The following FNBP1L variants were observed in gnomAD, a reference collection of about 807,000 sequenced individuals.
The protein encoded by FNBP1L is formin binding protein 1 like.
FNBP1L carries 36 observed loss-of-function variants against 91.2 expected under a neutral mutation model. That is an observed-to-expected ratio of 0.39 (90% CI 0.30 to 0.52). The LOEUF is 0.52. Ranked by LOEUF, FNBP1L falls within the 20% of genes least tolerant of loss-of-function variation. The pLI, the probability that FNBP1L is intolerant of heterozygous loss-of-function variation, is 0.66. For missense variants in FNBP1L, 571 were observed against 732.1 expected (o/e 0.78, Z 2.54); for synonymous variants, 242 against 237.0 (o/e 1.02, Z -0.19).
At chr1:93,466,632 G>A (rs1335027505) in intron 1 of FNBP1L, among the ~76,000 whole-genome samples, 2 of 152,170 alleles carry the variant, frequency 1.3e-5, no homozygotes, top group Non-Finnish European at 2.9e-5. Context: ...AGGTCAGGTA[G>A]CGTCATGCCT....
At chr1:93,455,212 G>A (rs1250531369) in intron 1 of FNBP1L, among the ~76,000 whole-genome samples, 1 of 152,196 alleles carries the variant, frequency 6.6e-6, no homozygotes, top group Admixed American at 6.5e-5. Flanking sequence ...AGCGGCGTGA[G>A]CCACCCCACC....
chr1:93,483,040 A>C (rs1669769709), intron 1 of FNBP1L, among the ~76,000 whole-genome samples: 1 of 150,920 alleles, frequency 6.6e-6, no homozygotes, highest in African/African-American at 2.4e-5. Context: ...AAAACAAAAA[A>C]CAAAAAGTAG....
chr1:93,490,851 T>C (rs1025426273), intron 1 of FNBP1L, among the ~76,000 whole-genome samples: 3 of 152,228 alleles, frequency 2.0e-5, no homozygotes, highest in Non-Finnish European at 4.4e-5. Flanking sequence ...CAGGAGGATG[T>C]ATGATCTCAG....
chr1:93,490,406 A>G (rs1345578131), intron 1 of FNBP1L, among the ~76,000 whole-genome samples: 5 of 152,224 alleles, frequency 3.3e-5, no homozygotes. Flanking sequence ...CAAAATTAAA[A>G]AAGAATGCCC....
intron 1 of FNBP1L, among the ~76,000 whole-genome samples, chr1:93,492,284 TAAC>T (rs1325175428): frequency 1.3e-5 from 2 of 152,024 alleles, no homozygotes; most frequent in East Asian, 1.9e-4. Context: ...GTGGAGGAGA[TAAC>T]AACAAGAAGA....
chr1:93,513,205 C>G (rs1483988807), intron 2 of FNBP1L, among the ~76,000 whole-genome samples: 17 of 151,678 alleles, frequency 1.1e-4, no homozygotes, highest in South Asian at 8.4e-4. Flanking sequence ...TACACTCTCC[C>G]AAGACTAAAC....
At chr1:93,463,358 T>G (rs927275137) in intron 1 of FNBP1L, among the ~76,000 whole-genome samples, 2 of 152,190 alleles carry the variant, frequency 1.3e-5, no homozygotes, top group Non-Finnish European at 2.9e-5. Flanking sequence ...TTAGGACCTC[T>G]TAGCTTAACA....
chr1:93,448,373 G>C (rs1668341501), intron 1 of FNBP1L, 68 bp downstream of exon 1: 2 of 1,443,382 alleles, frequency 1.4e-6, no homozygotes, highest in Admixed American at 3.3e-5. Context: ...GGCGGGCGCC[G>C]CGGACCCTCG....
chr1:93,523,674 C>T (rs1448723723), intron 4 of FNBP1L, among the ~76,000 whole-genome samples, 183 bp downstream of exon 4: 2 of 152,164 alleles, frequency 1.3e-5, no homozygotes, highest in Admixed American at 6.6e-5. Context: ...TTAAGTTTGG[C>T]AAACTACAGC....
At chr1:93,477,082 A>G (rs918913277) in intron 1 of FNBP1L, among the ~76,000 whole-genome samples, 2 of 152,214 alleles carry the variant, frequency 1.3e-5, no homozygotes, top group Non-Finnish European at 2.9e-5. Flanking sequence ...ATTGCCTGAC[A>G]TGCTCACTTG....
chr1:93,514,190 C>A lies in FNBP1L; in HGVS notation c.141-7892C>A, dbSNP rs546791010. The stretch of plus-strand genomic sequence containing the variant: ...AATTGCTTCAAAGGGAATAAAATAC[C>A]TAGGAATCCAACTTAACAAGGGATG... On this transcript the variant is annotated intron_variant, in intron 2 of 16. Coordinates refer to ENST00000271234, the MANE Select transcript of FNBP1L (RefSeq NM_001164473.3). Among the ~76,000 whole-genome samples, 14 of 152,276 alleles carry A rather than the reference C, an allele frequency of 9.2e-5. No homozygotes were observed. The East Asian group carries it at 1.5e-3, about 17-fold the overall frequency.
chr1:93,500,334 C>A (rs1004715768), intron 2 of FNBP1L, among the ~76,000 whole-genome samples: 1 of 152,148 alleles, frequency 6.6e-6, no homozygotes, highest in Non-Finnish European at 1.5e-5. Flanking sequence ...CCCTCTTGTT[C>A]TTTTTATTCT....
chr1:93,516,414 C>G (rs915388990), intron 2 of FNBP1L, among the ~76,000 whole-genome samples: 1 of 152,196 alleles, frequency 6.6e-6, no homozygotes, highest in Middle Eastern at 3.2e-3. Context: ...GTTCCACCCA[C>G]AGGAGTTCTG....
chr1:93,474,906 C>A (rs1482027834), intron 1 of FNBP1L, among the ~76,000 whole-genome samples: 1 of 152,130 alleles, frequency 6.6e-6, no homozygotes, highest in Non-Finnish European at 1.5e-5. Context: ...TTATGAACCT[C>A]CAATTCCTTA....
intron 1 of FNBP1L, among the ~76,000 whole-genome samples, chr1:93,467,338 A>G (rs1277389095): frequency 6.6e-6 from 1 of 152,196 alleles, no homozygotes; most frequent in Admixed American, 6.5e-5. Context: ...TCTATAAAAC[A>G]TGGATGACTC....
intron 2 of FNBP1L, among the ~76,000 whole-genome samples, chr1:93,519,249 T>C (rs1272145999): frequency 6.6e-6 from 1 of 152,210 alleles, no homozygotes; most frequent in Non-Finnish European, 1.5e-5. Context: ...CTTTTCACGT[T>C]ACTACTTGCA....
chr1:93,515,806 G>C (rs1477525113), intron 2 of FNBP1L, among the ~76,000 whole-genome samples: 25 of 151,838 alleles, frequency 1.6e-4, no homozygotes, highest in South Asian at 1.0e-3. Context: ...GGAGATATAC[G>C]TAATGCTAGA....
At chr1:93,462,815 A>AT (rs1400073821) in intron 1 of FNBP1L, among the ~76,000 whole-genome samples, 6 of 150,906 alleles carry the variant, frequency 4.0e-5, no homozygotes, top group South Asian at 4.2e-4. Context: ...TTTCCACTGT[A>AT]TTTTTTTTTC....
At chr1:93,547,192 T>G (rs898306728) in intron 13 of FNBP1L, among the ~76,000 whole-genome samples, 155 bp from the exon 14 acceptor site, 3 of 152,206 alleles carry the variant, frequency 2.0e-5, no homozygotes, top group African/African-American at 4.8e-5. Context: ...TTGAATCAGC[T>G]ATAAAGTTGA....
Sources: allele counts gnomAD v4.1 joint callset (sites outside exome capture counted in the v4.1 genomes callset), GRCh38; gene constraint gnomAD v4.1.1; transcripts MANE v1.5; gene names NCBI Gene and HGNC (gene_info 2026-07-23, HGNC 2026-07-21).